BMP6: variants seen among roughly 807,000 people sequenced by gnomAD.
BMP6 encodes the protein VG-1-R.
BMP6 carries 17 observed loss-of-function variants against 54.1 expected under a neutral mutation model. The observed-to-expected ratio is 0.31, with a 90% CI of 0.22 to 0.47. The LOEUF (loss-of-function observed/expected upper bound fraction) is 0.47, where lower values mean the gene tolerates loss of function less well. Ranked by LOEUF, BMP6 falls within the 20% of genes least tolerant of loss-of-function variation. The probability of loss-of-function intolerance (pLI) is 1.00; values close to 1 mark genes in which losing one functional copy is unlikely to be tolerated. For synonymous variants in BMP6, 328 were observed against 291.2 expected (o/e 1.13, Z -1.28); for missense variants, 720 against 690.4 (o/e 1.04, Z -0.48).
chr6:7,852,829 T>C (rs1759167045), intron 2 of BMP6, among the ~76,000 whole-genome samples: 1 of 152,144 alleles, frequency 6.6e-6, no homozygotes, highest in African/African-American at 2.4e-5. Context: ...ATGTTGGAGT[T>C]CAAGGAGGCC....
chr6:7,759,851 C>T (rs1194058081), intron 1 of BMP6, among the ~76,000 whole-genome samples: 1 of 151,018 alleles, frequency 6.6e-6, no homozygotes. Flanking sequence ...TTACAGGTGC[C>T]AGCCACCATG....
At chr6:7,782,157 C>T (rs1486471640) in intron 1 of BMP6, among the ~76,000 whole-genome samples, 1 of 151,182 alleles carries the variant, frequency 6.6e-6, no homozygotes, top group African/African-American at 2.4e-5. Flanking sequence ...GAAGGAGTGC[C>T]AGAGGGGGAG....
At chr6:7,804,566 A>G (rs1353060594) in intron 1 of BMP6, among the ~76,000 whole-genome samples, 1 of 152,240 alleles carries the variant, frequency 6.6e-6, no homozygotes, top group Non-Finnish European at 1.5e-5. Context: ...TGAAGATTTT[A>G]GAACCCGAAG....
intron 1 of BMP6, among the ~76,000 whole-genome samples, chr6:7,754,593 G>C (rs1757483722): frequency 6.6e-6 from 1 of 152,170 alleles, no homozygotes; most frequent in Admixed American, 6.5e-5. Flanking sequence ...GGATGAACTT[G>C]ATTATTCTCT....
chr6:7,802,991 A>T (rs1185449708), intron 1 of BMP6, among the ~76,000 whole-genome samples: 2 of 152,236 alleles, frequency 1.3e-5, no homozygotes, highest in South Asian at 2.1e-4. Context: ...TGCTATACAG[A>T]TGAACCTTTC....
At chr6:7,802,028 A>G (rs574639603) in intron 1 of BMP6, among the ~76,000 whole-genome samples, 1 of 152,318 alleles carries the variant, frequency 6.6e-6, no homozygotes, top group African/African-American at 2.4e-5. Context: ...TCCAGAGGGT[A>G]CATTCCAAAT....
chr6:7,749,884 G>A (rs182322946), intron 1 of BMP6, among the ~76,000 whole-genome samples: 1 of 152,320 alleles, frequency 6.6e-6, no homozygotes, highest in East Asian at 1.9e-4. Flanking sequence ...CAAGGAATCC[G>A]CATTTTAAGA....
At chr6:7,771,314 G>A (rs972216755) in intron 1 of BMP6, among the ~76,000 whole-genome samples, 4 of 152,182 alleles carry the variant, frequency 2.6e-5, no homozygotes, top group Non-Finnish European at 4.4e-5. Flanking sequence ...TGTCCTCAGA[G>A]CATCTGCTAA....
intron 1 of BMP6, among the ~76,000 whole-genome samples, chr6:7,729,488 C>G (rs1761813547): frequency 1.3e-5 from 2 of 152,248 alleles, no homozygotes; most frequent in East Asian, 3.9e-4. Flanking sequence ...GGGCTTGAAC[C>G]GAGGTTCTCA....
intron 1 of BMP6, among the ~76,000 whole-genome samples, chr6:7,823,613 G>A (rs1309188108): frequency 6.6e-6 from 1 of 152,172 alleles, no homozygotes; most frequent in Non-Finnish European, 1.5e-5. Flanking sequence ...TGTGTTAGGT[G>A]GGCAGGTCTA....
chr6:7,740,017 G>A (rs776998525), intron 1 of BMP6, among the ~76,000 whole-genome samples: 4 of 152,206 alleles, frequency 2.6e-5, no homozygotes, highest in African/African-American at 9.7e-5. Flanking sequence ...GTTGGCCTGT[G>A]GCATGAGACC....
At chr6:7,824,834 T>C (rs1269616629) in intron 1 of BMP6, among the ~76,000 whole-genome samples, 2 of 152,226 alleles carry the variant, frequency 1.3e-5, no homozygotes, top group African/African-American at 2.4e-5. Flanking sequence ...CACTTTCAGA[T>C]GGAATGAGTG....
chr6:7,878,122 T>A (rs1759650822), intron 4 of BMP6, among the ~76,000 whole-genome samples: 1 of 152,178 alleles, frequency 6.6e-6, no homozygotes, highest in Non-Finnish European at 1.5e-5. Context: ...CTGTCCCTTC[T>A]CTGAAGGGAC....
chr6:7,746,405 G>A (rs966121898), intron 1 of BMP6, among the ~76,000 whole-genome samples: 1 of 152,210 alleles, frequency 6.6e-6, no homozygotes, highest in Non-Finnish European at 1.5e-5. Context: ...CCTGAAATGG[G>A]AGACGAACTG....
At chr6:7,765,833 T>C (rs1423285735) in intron 1 of BMP6, among the ~76,000 whole-genome samples, 1 of 152,224 alleles carries the variant, frequency 6.6e-6, no homozygotes, top group Non-Finnish European at 1.5e-5. Context: ...TCCTCGCTGT[T>C]TCCAGTTCCT....
chr6:7,837,823 CA>C (rs1442958956), intron 1 of BMP6, among the ~76,000 whole-genome samples: 1 of 152,042 alleles, frequency 6.6e-6, no homozygotes, highest in Non-Finnish European at 1.5e-5. Flanking sequence ...CAAATTATGG[CA>C]ATAAACTTGA....
chr6:7,858,358 TA>T (rs1329042349), intron 2 of BMP6, among the ~76,000 whole-genome samples: 1 of 152,180 alleles, frequency 6.6e-6, no homozygotes, highest in Non-Finnish European at 1.5e-5. Context: ...GTTCTAGTAT[TA>T]CAGGCATGAG....
At chr6:7,874,109 G>A (rs1169722058) in intron 4 of BMP6, among the ~76,000 whole-genome samples, 2 of 152,204 alleles carry the variant, frequency 1.3e-5, no homozygotes, top group East Asian at 3.9e-4. Flanking sequence ...CCAGCTGGCA[G>A]GAGAGGAAAG....
chr6:7,812,146 A>G (rs982537291), intron 1 of BMP6, among the ~76,000 whole-genome samples: 3 of 152,310 alleles, frequency 2.0e-5, no homozygotes, highest in Admixed American at 6.5e-5. Flanking sequence ...GAATTGTGTT[A>G]TTGGATTGAG....
Sources: allele counts gnomAD v4.1 joint callset (sites outside exome capture counted in the v4.1 genomes callset), GRCh38; gene constraint gnomAD v4.1.1; transcripts MANE v1.5; gene names NCBI Gene and HGNC (gene_info 2026-07-23, HGNC 2026-07-21).